The following ARAP3 variants were observed in gnomAD, a reference collection of about 807,000 sequenced individuals.
ARAP3 encodes arf-GAP with Rho-GAP domain, ANK repeat and PH domain-containing protein 3.
In ARAP3, 82 loss-of-function variants were observed where a neutral mutation model predicts 169.2. The ratio of observed to expected loss-of-function variants is 0.48; its 90% CI spans 0.41 to 0.58. The LOEUF (loss-of-function observed/expected upper bound fraction) is 0.58, where lower values mean the gene tolerates loss of function less well. Among genes scored for constraint, ARAP3 ranks in the 20% least tolerant of loss-of-function variants. The pLI, the probability that ARAP3 is intolerant of heterozygous loss-of-function variation, is 0.00. For synonymous variants in ARAP3, 791 were observed against 800.3 expected, an observed-to-expected ratio of 0.99 and a Z score of 0.20; for missense variants, 1,764 against 2,018.0, an observed-to-expected ratio of 0.87 and a Z score of 2.41.
In ARAP3 at chr5:141,653,829, T is replaced by C; in HGVS notation, c.*121A>G. On this transcript the variant is annotated 3_prime_UTR_variant, in exon 33 of 33. Transcript: ENST00000239440. Reference sequence around the variant, plus strand: ...CTGAAGCCTTTAGTCCAGTGCTCCTTCCACAGCACCACACTGGATTCTGGA... The same window carrying C: ...CTGAAGCCTTTAGTCCAGTGCTCCTCCCACAGCACCACACTGGATTCTGGA... 1 of 1,399,176 alleles carries C rather than the reference T, an allele frequency of 7.1e-7. No homozygotes were observed. Among genetic ancestry groups the C allele is most frequent in the East Asian group, 2.4e-5 (1 of 42,482 alleles). 86.7% of individuals were successfully genotyped at this position (1,399,176 alleles called of 1,614,324 possible). A position where few individuals can be genotyped will look rare whatever the true frequency, so the allele number is the denominator to read the frequency against.
At chr5:141,681,939 G>A (rs1161594803) in intron 1 of ARAP3, among the ~76,000 whole-genome samples, 2 of 151,814 alleles carry the variant, frequency 1.3e-5, no homozygotes, top group Non-Finnish European at 2.9e-5. Context: ...TGAGGTGCTC[G>A]CGGGACAGGA....
rs1465254991 is a variant in ARAP3, at chr5:141,662,338, G to A, written c.2801-83C>T. On this transcript the variant is annotated intron_variant, in intron 19 of 32. Transcript: ENST00000239440. ...CGGCCCATCTGTGGCCTCCCTATGT[G>A]GTATGTGGCTGATGGGGGCATGGGA... 5 of 1,343,658 alleles carry A rather than the reference G, an allele frequency of 3.7e-6. No homozygotes were observed. In the Admixed American group the frequency reaches 8.9e-5, roughly 24 times the overall value. The allele number at this position is 1,343,658 out of a possible 1,614,324, so 83.2% of individuals were successfully genotyped here.
intron 4 of ARAP3, among the ~76,000 whole-genome samples, chr5:141,679,061 G>A (rs1395787931): frequency 6.6e-6 from 1 of 152,106 alleles, no homozygotes; most frequent in Non-Finnish European, 1.5e-5. Context: ...GGCCAAGGAG[G>A]TAGGATCACC....
rs1244341424 is a variant in ARAP3 at position 141,655,045 on chromosome 5, C to T, written c.4149+317G>A. Among the ~76,000 whole-genome samples the T allele has an allele frequency of 4.6e-5, 7 of 152,026 alleles. No homozygotes were observed. In the South Asian group the frequency reaches 1.0e-3, roughly 23 times the overall value. ...TGAGCCACTGTGCCCGACCTTTCTC[C>T]TTTTATTACTGCATCTTACATCCCT... is the stretch of plus-strand genomic sequence containing the variant. On this transcript the variant is annotated intron_variant, in intron 32 of 32. Transcript: ENST00000239440.
intron 23 of ARAP3, 53 bp downstream of exon 23, chr5:141,659,355 G>T: frequency 6.5e-7 from 1 of 1,545,870 alleles, no homozygotes; most frequent in Non-Finnish European, 8.9e-7. Flanking sequence ...TCAGCTTCCT[G>T]TCCTGATGTC....
chr5:141,681,862 C>T (rs2099913041), intron 1 of ARAP3, among the ~76,000 whole-genome samples: 1 of 152,020 alleles, frequency 6.6e-6, no homozygotes, highest in African/African-American at 2.4e-5. Context: ...TGCTGAGCCT[C>T]GGGCCCTGAC....
rs1194543407 is a variant in ARAP3, at chr5:141,656,724, A to T, written c.3649T>A (p.Phe1217Ile). The part of the protein sequence containing the change: ...KVPLAQAGCL[F>I]TGIRRESPRV... ...GCAGAGGAAGGAGGCTCACCTGTGA[A>T]GAGGCAGCCAGCTTGGGCCAGGGGG... The change falls in exon 26 of 33, where the codon TTC becomes ATC. Residue 1217 changes from phenylalanine (F) to isoleucine (I), a missense_variant. Transcript: ENST00000239440. 5 of 1,612,264 alleles carry T rather than the reference A, an allele frequency of 3.1e-6. No individual in the cohort carries two copies. The South Asian group carries it at 5.5e-5, about 18-fold the overall frequency.
At position 141,664,972 on chromosome 5, in the gene ARAP3, C is replaced by A; in HGVS notation, c.2750G>T (p.Gly917Val). ...GGCATCCACGATGATGGGGATGTCA[C>A]CCCGGCTCATCTGCTGCTCCTGCAG... ...TGLQEQQMSR[G>V]DIPIIVDACI... Residue 917 changes from glycine to valine, a missense_variant, in exon 19 of 33, where the codon GGT becomes GTT. Transcript: ENST00000239440. 2 of 1,613,006 alleles carry A rather than the reference C, an allele frequency of 1.2e-6. No individual in the cohort carries two copies. The highest frequency in any genetic ancestry group is 1.1e-5 in the South Asian group (1 of 91,012).
intron 16 of ARAP3, among the ~76,000 whole-genome samples, 181 bp downstream of exon 16, chr5:141,669,528 G>A (rs1215406103): frequency 6.6e-6 from 1 of 152,202 alleles, no homozygotes; most frequent in Non-Finnish European, 1.5e-5. Context: ...GAGAGTGGTT[G>A]TGAAAATTAA....
chr5:141,667,818 G>A (rs1197772814), intron 16 of ARAP3, among the ~76,000 whole-genome samples: 1 of 150,432 alleles, frequency 6.6e-6, no homozygotes. Flanking sequence ...GAGGCAGGCA[G>A]ATCACCTGAG....
chr5:141,673,841 T>A, intron 4 of ARAP3, 33 bp from the exon 5 acceptor site: 1 of 1,607,080 alleles, frequency 6.2e-7, no homozygotes, highest in Non-Finnish European at 8.5e-7. Flanking sequence ...GGGACACACA[T>A]TAGACAAGTA....
At chr5:141,664,899 A>G (rs780755054) in intron 19 of ARAP3, 23 bp downstream of exon 19, 1 of 713,682 alleles carries the variant, frequency 1.4e-6, no homozygotes. Context: ...CCATTGGCTC[A>G]GTACCAGCCA....
chr5:141,656,856 A>G lies in ARAP3; in HGVS notation c.3527-10T>C. The G allele has an allele frequency of 6.2e-7, 1 of 1,611,872 alleles. No homozygotes were observed. The highest frequency in any genetic ancestry group is 8.5e-7 in the Non-Finnish European group (1 of 1,178,890). ...GGATGCAGTGGCCGCTCTTAAGGGG[A>G]AAGGTGAGGGTTTATATATCAATCA... is the stretch of plus-strand genomic sequence containing the variant. On this transcript the variant is annotated splice_polypyrimidine_tract_variant and intron_variant, in intron 25 of 32. Coordinates refer to ENST00000239440, the MANE Select transcript of ARAP3 (RefSeq NM_022481.6).
rs112049307 is a variant in ARAP3 at position 141,659,655 on chromosome 5, C to G, written c.3267+124G>C. On this transcript the variant is annotated intron_variant, in intron 22 of 32. Transcript: ENST00000239440. ...AGGGCCAGGGCTCTGGGAGGTAGTTCCTGGTATAGCTGGCCACCAGAGGCC... is the reference window on the plus strand; with the variant it reads ...AGGGCCAGGGCTCTGGGAGGTAGTTGCTGGTATAGCTGGCCACCAGAGGCC... The G allele has an allele frequency of 6.3e-6, 9 of 1,418,814 alleles. 2 individuals are homozygous for G. The African/African-American group carries it at 8.4e-5, about 13-fold the overall frequency. The allele number at this position is 1,418,814 out of a possible 1,614,324, so 87.9% of individuals were successfully genotyped here. A position where few individuals can be genotyped will look rare whatever the true frequency, so the allele number is the denominator to read the frequency against.
intron 27 of ARAP3, 22 bp from the exon 28 acceptor site, chr5:141,656,298 G>A (rs774830315): frequency 1.2e-6 from 2 of 1,613,552 alleles, no homozygotes; most frequent in African/African-American, 2.7e-5. Flanking sequence ...AACAGAGTCA[G>A]CGAGATGGAG....
rs115860138 is a variant in ARAP3, at chr5:141,673,151, A to G, written c.973-18T>C. The G allele has an allele frequency of 0.019, 30,540 of 1,614,052 alleles. 337 individuals carry two copies. Among genetic ancestry groups the G allele is most frequent in the African/African-American group, 0.03 (2,272 of 75,026 alleles). On this transcript the variant is annotated intron_variant, in intron 6 of 32. Transcript: ENST00000239440. ...AAGGGGTCCTGGAGAGAGAGAGCTC[A>G]ATGACCCATGAGGACAGGAACTGAG... is the stretch of plus-strand genomic sequence containing the variant.
chr5:141,672,183 G>C lies in ARAP3; in HGVS notation c.1504C>G (p.Arg502Gly). ...GAGGACCCACAGTCCGCACACTGCC[G>C]GTTGGCCCGATTAGACCAGATCTTC... ...AEKIWSNRAN[R>G]QCADCGSSRP... is the part of the protein sequence containing the mutation. The change falls in exon 10 of 33, where the codon CGG becomes GGG. Residue 502 changes from arginine to glycine, a missense_variant. Physicochemically the swap from Arg to Gly is moderately radical, Grantham distance 125 (BLOSUM62 -2). Coordinates refer to ENST00000239440, the MANE Select transcript of ARAP3 (RefSeq NM_022481.6). This position sits in a 1 kb window ranked among gnomAD's most constrained non-coding sequence, Gnocchi z 4.9. The C allele has an allele frequency of 6.2e-7, 1 of 1,614,188 alleles. No homozygotes were observed. Among genetic ancestry groups the C allele is most frequent in the Middle Eastern group, 1.6e-4 (1 of 6,062 alleles).
intron 19 of ARAP3, among the ~76,000 whole-genome samples, chr5:141,662,612 A>G (rs1399040460): frequency 6.6e-6 from 1 of 152,198 alleles, no homozygotes; most frequent in Non-Finnish European, 1.5e-5. Flanking sequence ...CCCAAAATCA[A>G]TACTTTTGGC....
chr5:141,672,284 C>T lies in ARAP3; in HGVS notation c.1403G>A (p.Gly468Glu). 1 of 1,614,172 alleles carries T rather than the reference C, an allele frequency of 6.2e-7. No individual in the cohort carries two copies. Among genetic ancestry groups the T allele is most frequent in the Non-Finnish European group, 8.5e-7 (1 of 1,180,030 alleles). Reference sequence around the variant, plus strand: ...GGCCGCCCAGCTCTGCCGAGCACCCCCAGACTCGGCTGTGAAGCTGAGGGG... The same window carrying T: ...GGCCGCCCAGCTCTGCCGAGCACCCTCAGACTCGGCTGTGAAGCTGAGGGG... ...HRCFSFTAES[G>E]GARQSWAAAL... Residue 468 changes from glycine to glutamate, a missense_variant, in exon 10 of 33, where the codon GGG becomes GAG. Transcript: ENST00000239440. The surrounding 1 kb of genome is among the most constrained non-coding windows in gnomAD (Gnocchi z 4.9).
Sources: allele counts gnomAD v4.1 joint callset (sites outside exome capture counted in the v4.1 genomes callset), GRCh38; gene constraint gnomAD v4.1.1; non-coding constraint Gnocchi (gnomAD v3.1); transcripts MANE v1.5; gene names NCBI Gene and HGNC (gene_info 2026-07-23, HGNC 2026-07-21).